Variants in RAB11FIP5 observed in about 807,000 individuals in gnomAD.
RAB11FIP5 encodes RAB11 family interacting protein 5.
In RAB11FIP5, 48 loss-of-function variants were observed where a neutral mutation model predicts 85.1. The observed-to-expected ratio is 0.56, with a 90% CI of 0.45 to 0.72. The LOEUF is 0.72. Among genes scored for constraint, RAB11FIP5 ranks in the 30% least tolerant of loss-of-function variants. The pLI, the probability that RAB11FIP5 is intolerant of heterozygous loss-of-function variation, is 0.00. For missense variants in RAB11FIP5, 1,491 were observed against 1,687.0 expected (o/e 0.88, Z 2.04); for synonymous variants, 729 against 727.3 (o/e 1.00, Z -0.04).
rs1684578250 is a variant in RAB11FIP5 at position 73,108,674 on chromosome 2, A to C, written c.431+3673T>G. ...TCTGACCCCACAGGGAACAAGGAAA[A>C]CTAACTAACCACCACATCCCATCCC... On this transcript the variant is annotated intron_variant, in intron 1 of 5. Transcript: ENST00000486777. 2.0e-5 allele frequency among the ~76,000 whole-genome samples: 3 copies of C among 152,212 alleles called. No homozygotes were observed. In the South Asian group the frequency reaches 6.2e-4, roughly 31 times the overall value.
chr2:73,095,302 C>T (rs764918237), intron 1 of RAB11FIP5, among the ~76,000 whole-genome samples: 3 of 152,202 alleles, frequency 2.0e-5, no homozygotes, highest in Non-Finnish European at 4.4e-5. Context: ...ATTCCTTGCA[C>T]CTGAAGAGGC....
intron 1 of RAB11FIP5, among the ~76,000 whole-genome samples, chr2:73,104,030 C>T (rs1261200801): frequency 1.3e-5 from 2 of 152,226 alleles, no homozygotes; most frequent in African/African-American, 4.8e-5. Flanking sequence ...CAAACAATAA[C>T]TTCCCTGCCA....
In RAB11FIP5 at chr2:73,080,822, G is replaced by A. The variant is rs150943357; in HGVS notation, c.2410C>T (p.Pro804Ser). The A allele has an allele frequency of 3.7e-4, 455 of 1,232,328 alleles. 10 individuals carry two copies. The East Asian group carries it at 0.011, about 29-fold the overall frequency. The allele number at this position is 1,232,328 out of a possible 1,614,324, so 76.3% of individuals were successfully genotyped here. Reference protein sequence around the residue: ...VISVWERLPGPESAAEGQDDE... With the variant: ...VISVWERLPGSESAAEGQDDE... ...TCCTGGCCCTCAGCAGCGCTCTCTG[G>A]GCCCGGCAGCCTCTCCCACACACTG... Residue 804 changes from proline (P) to serine (S), a missense_variant, in exon 4 of 6, where the codon CCA becomes TCA. Pro to Ser is a moderately conservative substitution (Grantham distance 74). Around this residue, in one of 3 missense-constraint regions of RAB11FIP5, gnomAD observed 1,211 missense variants for 1,338.0 expected, o/e 0.91. Coordinates refer to ENST00000486777, the MANE Select transcript of RAB11FIP5 (RefSeq NM_001371272.1).
chr2:73,112,169 C>A (rs934198287), intron 1 of RAB11FIP5, among the ~76,000 whole-genome samples, 178 bp downstream of exon 1: 2 of 152,198 alleles, frequency 1.3e-5, no homozygotes, highest in Non-Finnish European at 2.9e-5. Flanking sequence ...ACACAGCGCA[C>A]GTTTGGGAAG....
intron 1 of RAB11FIP5, among the ~76,000 whole-genome samples, chr2:73,093,237 A>G (rs1400892713): frequency 2.0e-5 from 3 of 152,146 alleles, no homozygotes; most frequent in Non-Finnish European, 4.4e-5. Flanking sequence ...GCAGGGTCCT[A>G]TGACCTAGTT....
intron 4 of RAB11FIP5, 50 bp downstream of exon 4, chr2:73,079,601 C>T: frequency 8.1e-7 from 1 of 1,232,518 alleles, no homozygotes. Flanking sequence ...CTGTTCTGCC[C>T]CCTGTCCACC....
chr2:73,083,224 G>C (rs192423934), intron 3 of RAB11FIP5, among the ~76,000 whole-genome samples: 1 of 152,174 alleles, frequency 6.6e-6, no homozygotes, highest in Admixed American at 6.5e-5. Context: ...GAGCTTGCCC[G>C]GATTCTCCCA....
At chr2:73,108,959 G>A (rs1052683101) in intron 1 of RAB11FIP5, among the ~76,000 whole-genome samples, 6 of 152,220 alleles carry the variant, frequency 3.9e-5, no homozygotes, top group East Asian at 3.9e-4. Context: ...CAGGAGAATC[G>A]CTTGAACCTG....
In RAB11FIP5 at chr2:73,088,407, T is replaced by C. The variant is rs138135562; in HGVS notation, c.1211A>G (p.Glu404Gly). The stretch of plus-strand genomic sequence containing the variant: ...GACTTTAGCCTGAGCACTCAGCTCC[T>C]CCTGTCCAAGCACTGCCTCTGAGCT... ...NSSSEAVLGQEELSAQAKVLA... is the reference protein window; with the variant it reads ...NSSSEAVLGQGELSAQAKVLA... Residue 404 changes from glutamate to glycine, a missense_variant, in exon 3 of 6, where the codon GAG (glutamate) becomes GGG (glycine). Glu to Gly is a moderately conservative substitution (Grantham distance 98). Coordinates refer to ENST00000486777, the MANE Select transcript of RAB11FIP5 (RefSeq NM_001371272.1). 2 of 1,613,748 alleles carry C rather than the reference T, an allele frequency of 1.2e-6. No homozygotes were observed. The highest frequency in any genetic ancestry group is 2.7e-5 in the African/African-American group (2 of 74,928).
chr2:73,103,922 T>C (rs938011580), intron 1 of RAB11FIP5, among the ~76,000 whole-genome samples: 1 of 152,090 alleles, frequency 6.6e-6, no homozygotes, highest in Non-Finnish European at 1.5e-5. Context: ...TAACCCCATA[T>C]TCACCCTGAC....
At chr2:73,101,370 C>G (rs1001591383) in intron 1 of RAB11FIP5, among the ~76,000 whole-genome samples, 1 of 152,150 alleles carries the variant, frequency 6.6e-6, no homozygotes, top group Non-Finnish European at 1.5e-5. Flanking sequence ...TGGATCCTAA[C>G]TCAACAAATC....
rs1337683925 is a variant in RAB11FIP5, at chr2:73,112,903, T to TGGGCC, written c.-131_-127dup. ...GCGCCGCCGCAGCTGCGGGCTGGGC[T>TGGGCC]GGGCCGGGCCGACCGGCCGCCGCCT... On this transcript the variant is annotated 5_prime_UTR_variant, in exon 1 of 6. Transcript: ENST00000486777. 18 of 907,740 alleles carry TGGGCC rather than the reference T, an allele frequency of 2.0e-5. No individual in the cohort carries two copies. In the South Asian group the frequency reaches 3.9e-4, roughly 20 times the overall value. 56.2% of individuals were successfully genotyped at this position (907,740 alleles called of 1,614,324 possible). A position where few individuals can be genotyped will look rare whatever the true frequency, so the allele number is the denominator to read the frequency against.
chr2:73,111,776 T>G (rs1574308537), intron 1 of RAB11FIP5, among the ~76,000 whole-genome samples: 1 of 151,388 alleles, frequency 6.6e-6, no homozygotes, highest in East Asian at 2.0e-4. Context: ...AGGATGGGGG[T>G]GGGGGGGTGA....
At chr2:73,111,033 A>G (rs976913188) in intron 1 of RAB11FIP5, among the ~76,000 whole-genome samples, 3 of 144,634 alleles carry the variant, frequency 2.1e-5, no homozygotes, top group Non-Finnish European at 3.0e-5. Flanking sequence ...ACAAGGTCCA[A>G]GCTATATACC....
chr2:73,078,297 A>G lies in RAB11FIP5; in HGVS notation c.3581+1354T>C, dbSNP rs759774804. 6.6e-6 allele frequency among the ~76,000 whole-genome samples: 1 copy of G among 152,226 alleles called. No homozygotes were observed. The highest frequency in any genetic ancestry group is 6.5e-5 in the Admixed American group (1 of 15,286). ...TTCCTTTGAGGAATGAGACAGCTCTATTTGGCCCGTCCACTTCATAACAGA... is the reference window on the plus strand; with the variant it reads ...TTCCTTTGAGGAATGAGACAGCTCTGTTTGGCCCGTCCACTTCATAACAGA... On this transcript the variant is annotated intron_variant, in intron 4 of 5. Transcript: ENST00000486777. This position sits in a 1 kb window ranked among gnomAD's most constrained non-coding sequence, Gnocchi z 4.4.
intron 1 of RAB11FIP5, among the ~76,000 whole-genome samples, chr2:73,111,496 A>C (rs1684654274): frequency 6.6e-6 from 1 of 152,216 alleles, no homozygotes; most frequent in Admixed American, 6.5e-5. Context: ...CCAAGCCCAA[A>C]ACAGGAAATG....
chr2:73,103,324 A>AGAAG (rs1411975062), intron 1 of RAB11FIP5, among the ~76,000 whole-genome samples: 1 of 152,080 alleles, frequency 6.6e-6, no homozygotes, highest in Non-Finnish European at 1.5e-5. Context: ...ATCCCTCCTC[A>AGAAG]GACCCCAGCC....
rs1156513084 is a variant in RAB11FIP5 at position 73,112,934 on chromosome 2, C to G, written c.-157G>C. 9 of 484,840 alleles carry G rather than the reference C, an allele frequency of 1.9e-5. No homozygotes were observed. Among genetic ancestry groups the G allele is most frequent in the Non-Finnish European group, 2.6e-5 (9 of 343,140 alleles). The allele number at this position is 484,840 out of a possible 1,614,324, so 30.0% of individuals were successfully genotyped here. On this transcript the variant is annotated 5_prime_UTR_variant, in exon 1 of 6. Coordinates refer to ENST00000486777, the MANE Select transcript of RAB11FIP5 (RefSeq NM_001371272.1). ...GGGCCGACCGGCCGCCGCCTCCCCG[C>G]CTCACCGGGCCGCTGGCCGCGGGCC...
At chr2:73,109,355 C>A (rs1684598195) in intron 1 of RAB11FIP5, among the ~76,000 whole-genome samples, 1 of 152,182 alleles carries the variant, frequency 6.6e-6, no homozygotes, top group African/African-American at 2.4e-5. Context: ...AGAGTCACCA[C>A]CACGCTAATA....
Sources: gnomAD v4.1 joint callset for allele counts (sites outside exome capture counted in the v4.1 genomes callset) on GRCh38, gnomAD v4.1.1 for gene constraint, gnomAD v4.1.1 regional missense constraint, Gnocchi (gnomAD v3.1) non-coding constraint, MANE v1.5 for transcripts, NCBI Gene and HGNC (gene_info 2026-07-23, HGNC 2026-07-21) for gene names.